The following NXPE4 variants were observed in gnomAD, a reference collection of about 807,000 sequenced individuals.
NXPE4 encodes NXPE family member 4.
Under a neutral mutation model 33.3 loss-of-function variants are expected in NXPE4, and 42 were observed. The observed-to-expected ratio is 1.26, with a 90% CI of 0.98 to 1.63. The LOEUF (loss-of-function observed/expected upper bound fraction) is 1.63. Among genes scored for constraint, NXPE4 ranks in the 40% most tolerant of loss-of-function variants. The pLI is 0.00. For missense variants in NXPE4, 709 were observed against 647.6 expected (o/e 1.09, Z -1.03); for synonymous variants, 253 against 234.9 (o/e 1.08, Z -0.71).
intron 2 of NXPE4, 125 bp from the exon 3 acceptor site, chr11:114,583,146 G>T: frequency 9.3e-7 from 1 of 1,072,270 alleles, no homozygotes; most frequent in Non-Finnish European, 1.3e-6. Flanking sequence ...TTGTGATTTT[G>T]AATATTGATT....
At chr11:114,576,906 A>C (rs991165470) in intron 5 of NXPE4, among the ~76,000 whole-genome samples, 1 of 148,046 alleles carries the variant, frequency 6.8e-6, no homozygotes. Context: ...CTAGCAGCAC[A>C]ATTTGCAATT....
chr11:114,627,427 T>G, the NXPE4 span, among the ~76,000 whole-genome samples: 1 of 151,376 alleles, frequency 6.6e-6, no homozygotes, highest in African/African-American at 2.4e-5. Flanking sequence ...CTAAGCTTCA[T>G]AAGTGAAGGA....
At chr11:114,598,813 A>C (rs910732980), upstream of NXPE4, among the ~76,000 whole-genome samples, 3 of 150,946 alleles carry the variant, frequency 2.0e-5, no homozygotes, top group African/African-American at 7.3e-5. Context: ...GCTTCCACAA[A>C]GTTCTCTGAA....
At chr11:114,676,026 C>T in the NXPE4 span, among the ~76,000 whole-genome samples, 2 of 151,844 alleles carry the variant, frequency 1.3e-5, no homozygotes, top group Non-Finnish European at 2.9e-5. Flanking sequence ...ATAAATGGTG[C>T]TGACAGAACT....
the NXPE4 span, among the ~76,000 whole-genome samples, chr11:114,602,932 A>G: frequency 6.7e-6 from 1 of 149,518 alleles, no homozygotes; most frequent in Non-Finnish European, 1.5e-5. Flanking sequence ...TCTAATATAT[A>G]ATTACAGAAT....
At chr11:114,622,637 G>T in the NXPE4 span, among the ~76,000 whole-genome samples, 1 of 151,396 alleles carries the variant, frequency 6.6e-6, no homozygotes, top group African/African-American at 2.4e-5. Flanking sequence ...GATAATAAGT[G>T]TTGCCTCGTG....
At chr11:114,587,802 T>A (rs909633080) in intron 2 of NXPE4, among the ~76,000 whole-genome samples, 9 of 152,152 alleles carry the variant, frequency 5.9e-5, no homozygotes, top group Admixed American at 5.2e-4. Flanking sequence ...TCTGCACTCC[T>A]CTGGAGTGCT....
At chr11:114,656,441 T>C in the NXPE4 span, among the ~76,000 whole-genome samples, 22 of 152,138 alleles carry the variant, frequency 1.4e-4, no homozygotes, top group Non-Finnish European at 1.2e-4. Flanking sequence ...TTGAATTTCG[T>C]ATGGAATCAA....
intron 5 of NXPE4, among the ~76,000 whole-genome samples, chr11:114,573,928 G>T (rs1170994259): frequency 6.6e-6 from 1 of 152,108 alleles, no homozygotes; most frequent in African/African-American, 2.4e-5. Flanking sequence ...ATCAGCACAT[G>T]GAACATTCTC....
the NXPE4 span, among the ~76,000 whole-genome samples, chr11:114,617,120 A>T: frequency 1.3e-5 from 2 of 152,080 alleles, no homozygotes; most frequent in African/African-American, 2.4e-5. Context: ...GTGGGTAACC[A>T]CTGTTACCCT....
the NXPE4 span, among the ~76,000 whole-genome samples, chr11:114,644,299 G>A: frequency 6.6e-6 from 1 of 152,162 alleles, no homozygotes; most frequent in Non-Finnish European, 1.5e-5. Flanking sequence ...ACGTTGAATA[G>A]GAGTGGTAAG....
At chr11:114,621,555 C>T in the NXPE4 span, among the ~76,000 whole-genome samples, 1 of 152,146 alleles carries the variant, frequency 6.6e-6, no homozygotes, top group East Asian at 1.9e-4. Context: ...ATAAGTATTA[C>T]CTCTAGGGTA....
the NXPE4 span, among the ~76,000 whole-genome samples, chr11:114,647,818 C>A: frequency 2.0e-5 from 3 of 152,056 alleles, no homozygotes; most frequent in Admixed American, 1.3e-4. Context: ...TCTCCTGCCT[C>A]AGCCTTCTAA....
intron 5 of NXPE4, among the ~76,000 whole-genome samples, chr11:114,573,330 C>T (rs1948931683): frequency 6.6e-6 from 1 of 151,996 alleles, no homozygotes; most frequent in Admixed American, 6.6e-5. Flanking sequence ...CAACAAGTAG[C>T]ACAATGAATA....
In NXPE4 at chr11:114,571,401, A is replaced by G. The variant is rs1369584671; in HGVS notation, c.1172T>C (p.Ile391Thr). 1 of 1,613,862 alleles carries G rather than the reference A, an allele frequency of 6.2e-7. No individual in the cohort carries two copies. The highest frequency in any genetic ancestry group is 8.5e-7 in the Non-Finnish European group (1 of 1,179,804). ...HQLAVDLDRN[I>T]NIQWQKYCYP... ...ACAATATTTTTGCCACTGGATGTTGATGTTCCTATCCAAATCCACAGCAAG... is the reference window on the plus strand; with the variant it reads ...ACAATATTTTTGCCACTGGATGTTGGTGTTCCTATCCAAATCCACAGCAAG... The change falls in exon 6 of 6, where the codon ATC (isoleucine) becomes ACC (threonine). Residue 391 changes from isoleucine to threonine, a missense_variant. By Grantham distance (89) the Ile-to-Thr change is moderately conservative. Transcript: ENST00000375478.
chr11:114,637,541 A>G, the NXPE4 span, among the ~76,000 whole-genome samples: 3 of 150,570 alleles, frequency 2.0e-5, no homozygotes, highest in Admixed American at 6.7e-5. Context: ...GTTAGTTGAT[A>G]CAGTTTCTTC....
chr11:114,628,317 T>G, the NXPE4 span, among the ~76,000 whole-genome samples: 68 of 151,974 alleles, frequency 4.5e-4, no homozygotes, highest in African/African-American at 1.6e-3. Flanking sequence ...TATAACAAAC[T>G]GTCTCTCAGA....
chr11:114,659,564 C>T, the NXPE4 span, among the ~76,000 whole-genome samples: 1 of 151,740 alleles, frequency 6.6e-6, no homozygotes, highest in Non-Finnish European at 1.5e-5. Context: ...AAACAACATA[C>T]TTCTACATAA....
upstream of NXPE4, among the ~76,000 whole-genome samples, chr11:114,600,763 T>G (rs1304496030): frequency 6.6e-6 from 1 of 152,104 alleles, no homozygotes; most frequent in Non-Finnish European, 1.5e-5. Context: ...CCAATGTTAA[T>G]TTCTTAATTC....
Sources: gnomAD v4.1 joint callset for allele counts (sites outside exome capture counted in the v4.1 genomes callset) on GRCh38, gnomAD v4.1.1 for gene constraint, MANE v1.5 for transcripts, NCBI Gene and HGNC (gene_info 2026-07-23, HGNC 2026-07-21) for gene names.